The following AGO1 variants were observed in gnomAD, a reference collection of about 807,000 sequenced individuals.
AGO1 encodes the protein protein argonaute-1.
A neutral mutation model predicts 109.2 loss-of-function variants in AGO1; 11 were observed. The ratio of observed to expected loss-of-function variants is 0.10; its 90% CI spans 0.06 to 0.17. The LOEUF (loss-of-function observed/expected upper bound fraction) is 0.17, where lower values mean the gene tolerates loss of function less well. Ranked by LOEUF, AGO1 falls within the 10% of genes least tolerant of loss-of-function variation. The pLI, the probability that AGO1 is intolerant of heterozygous loss-of-function variation, is 1.00. For synonymous variants in AGO1, 422 were observed against 418.6 expected, an observed-to-expected ratio of 1.01 and a Z score of -0.10; for missense variants, 574 against 1,140.3, an observed-to-expected ratio of 0.50 and a Z score of 7.15.
Position 35,927,902 on chromosome 1 carries a change from C to A in AGO1, c.*8295C>A, listed in dbSNP as rs1437053986. 1 of 152,210 alleles carries A rather than the reference C, an allele frequency of 6.6e-6. No individual in the cohort carries two copies. The highest frequency in any genetic ancestry group is 1.5e-5 in the Non-Finnish European group (1 of 68,042). The allele number at this position is 152,210 out of a possible 1,614,324, so 9.4% of individuals were successfully genotyped here. ...GCTAGAGTATAAAGTAACTTACTTT[C>A]TACCTTGTAGAAACTGATGGTCTAG... is the stretch of plus-strand genomic sequence containing the variant. On this transcript the variant is annotated 3_prime_UTR_variant, in exon 19 of 19. Transcript: ENST00000373204.
chr1:35,918,046 G>T (rs1420576823), intron 16 of AGO1, among the ~76,000 whole-genome samples: 1 of 152,156 alleles, frequency 6.6e-6, no homozygotes, highest in East Asian at 1.9e-4. Context: ...TGTACAAGGC[G>T]TCTTCCTCAC....
At chr1:35,899,139 A>G (rs1019713676) in intron 8 of AGO1, among the ~76,000 whole-genome samples, 1 of 152,216 alleles carries the variant, frequency 6.6e-6, no homozygotes, top group Non-Finnish European at 1.5e-5. Context: ...GTGGAATCAT[A>G]GTATTTGTCC....
chr1:35,875,143 C>T (rs1644982795), intron 1 of AGO1, among the ~76,000 whole-genome samples: 1 of 152,090 alleles, frequency 6.6e-6, no homozygotes, highest in Non-Finnish European at 1.5e-5. Context: ...GTAGATGAAA[C>T]AGCCTTCTGT....
At chr1:35,882,908 C>T, upstream of AGO1, 1 of 985,238 alleles carries the variant, frequency 1.0e-6, no homozygotes, top group South Asian at 4.7e-5. This position sits in a 1 kb window ranked among gnomAD's most constrained non-coding sequence, Gnocchi z 5.1. Context: ...GTGCGCGCAG[C>T]TCGGTGCGAC....
intron 12 of AGO1, among the ~76,000 whole-genome samples, chr1:35,908,642 AC>A (rs1645572348): frequency 6.6e-6 from 1 of 151,958 alleles, no homozygotes; most frequent in South Asian, 2.1e-4. Context: ...CTCTCTACAA[AC>A]CTTTGTCTTT....
chr1:35,891,731 ATTTTTGTAT>A (rs1645223240), intron 2 of AGO1, among the ~76,000 whole-genome samples: 1 of 151,652 alleles, frequency 6.6e-6, no homozygotes, highest in Non-Finnish European at 1.5e-5. Flanking sequence ...TGCCTGACTA[ATTTTTGTAT>A]TTTTTGTAGA....
At chr1:35,914,351 C>A in intron 14 of AGO1, 77 bp downstream of exon 14, 1 of 1,206,450 alleles carries the variant, frequency 8.3e-7, no homozygotes, top group Non-Finnish European at 1.2e-6. Context: ...TGATTTCCTT[C>A]CCTCAGCTCT....
In AGO1 at chr1:35,927,067, A is replaced by C. The variant is rs1236172183; in HGVS notation, c.*7460A>C. 1.3e-5 allele frequency: 2 copies of C among 151,816 alleles called. No individual in the cohort carries two copies. Among genetic ancestry groups the C allele is most frequent in the East Asian group, 3.9e-4 (2 of 5,188 alleles). The allele number at this position is 151,816 out of a possible 1,614,324, so 9.4% of individuals were successfully genotyped here. A position where few individuals can be genotyped will look rare whatever the true frequency, so the allele number is the denominator to read the frequency against. ...TTTCCTCTTAAAAGAGACAGTGGGA[A>C]CTTTTAGCCAGGTTTTTGGAAAAGG... On this transcript the variant is annotated 3_prime_UTR_variant, in exon 19 of 19. Transcript: ENST00000373204.
At chr1:35,873,734 T>G (rs188911428) in intron 1 of AGO1, 19 of 152,764 alleles carry the variant, frequency 1.2e-4, no homozygotes, top group African/African-American at 4.6e-4. Flanking sequence ...CAAAGTGATG[T>G]TTTTGCAATC....
rs1168653663 is a variant in AGO1 at position 35,874,785 on chromosome 1, A to G, written c.-201+4882A>G. On this transcript the variant is annotated intron_variant, in intron 1 of 18. Transcript: ENST00000373206. The stretch of plus-strand genomic sequence containing the variant: ...AGTTCTTAAGGAAATTAAGAGTGCT[A>G]ATCCAGTGAACACATGAATAGTAAG... Among the ~76,000 whole-genome samples, 3 of 152,226 alleles carry G rather than the reference A, an allele frequency of 2.0e-5. No homozygotes were observed. The East Asian group carries it at 5.8e-4, about 29-fold the overall frequency.
Position 35,901,459 on chromosome 1 carries a change from T to C in AGO1, c.1021-15T>C, listed in dbSNP as rs1307772592. 1 of 1,613,920 alleles carries C rather than the reference T, an allele frequency of 6.2e-7. No homozygotes were observed. The highest frequency in any genetic ancestry group is 1.7e-5 in the Admixed American group (1 of 60,030). Reference sequence around the variant, plus strand: ...GTACTCAAGCCAGAGCTACCTGTCCTTCTTGTTTCCTCAGGTCTGTAACAT... The same window carrying C: ...GTACTCAAGCCAGAGCTACCTGTCCCTCTTGTTTCCTCAGGTCTGTAACAT... On this transcript the variant is annotated splice_polypyrimidine_tract_variant and intron_variant, in intron 8 of 18. Coordinates refer to ENST00000373204, the MANE Select transcript of AGO1 (RefSeq NM_012199.5). The surrounding 1 kb of genome is among the most constrained non-coding windows in gnomAD (Gnocchi z 4.8).
At chr1:35,905,089 T>C (rs937076640) in intron 11 of AGO1, among the ~76,000 whole-genome samples, 1 of 152,182 alleles carries the variant, frequency 6.6e-6, no homozygotes, top group African/African-American at 2.4e-5. Flanking sequence ...TCACAATACT[T>C]TGTGGCCCCC....
chr1:35,929,493 C>T lies in AGO1; in HGVS notation c.*9886C>T, dbSNP rs1035797650. The T allele has an allele frequency of 1.3e-5, 2 of 152,226 alleles. No individual in the cohort carries two copies. Among genetic ancestry groups the T allele is most frequent in the African/African-American group, 4.8e-5 (2 of 41,460 alleles). The allele number at this position is 152,226 out of a possible 1,614,324, so 9.4% of individuals were successfully genotyped here. A position where few individuals can be genotyped will look rare whatever the true frequency, so the allele number is the denominator to read the frequency against. On this transcript the variant is annotated 3_prime_UTR_variant, in exon 19 of 19. Coordinates refer to ENST00000373204, the MANE Select transcript of AGO1 (RefSeq NM_012199.5). The stretch of plus-strand genomic sequence containing the variant: ...TTGTTTAGGGAACCGGTTCCAGAAT[C>T]AGAGGGGTTGAGGATATAAAAGACC...
chr1:35,905,851 T>G (rs1186856741), intron 11 of AGO1, among the ~76,000 whole-genome samples: 8 of 152,226 alleles, frequency 5.3e-5, no homozygotes, highest in African/African-American at 1.9e-4. Context: ...TATAAATGAT[T>G]TTAAATTTTG....
In AGO1 at chr1:35,894,089, G is replaced by A. The variant is rs201138355; in HGVS notation, c.702G>A (p.Glu234=). 6 of 1,584,548 alleles carry A rather than the reference G, an allele frequency of 3.8e-6. No individual in the cohort carries two copies. In the East Asian group the frequency reaches 1.3e-4, roughly 35 times the overall value. Residue 234 remains glutamate (E), a synonymous_variant, in exon 6 of 19, where the codon GAG becomes GAA. Coordinates refer to ENST00000373204, the MANE Select transcript of AGO1 (RefSeq NM_012199.5). The stretch of plus-strand genomic sequence containing the variant: ...AGCCAGTGATTGAGTTCATGTGTGA[G>A]GTGCTGGACATCAGGAACATAGATG... ...KAQPVIEFMC[E]VLDIRNIDEQ...
rs1322270306 is a variant in AGO1 at position 35,921,050 on chromosome 1, T to G, written c.*1443T>G. 1.3e-5 allele frequency: 2 copies of G among 152,936 alleles called. No individual in the cohort carries two copies. Among genetic ancestry groups the G allele is most frequent in the Non-Finnish European group, 2.9e-5 (2 of 68,336 alleles). 9.5% of individuals were successfully genotyped at this position (152,936 alleles called of 1,614,324 possible). ...GGGTCCAGGCTCCATCCTTCCTCTG[T>G]GCAGATAATACCTTTTTCTTGCTAT... On this transcript the variant is annotated 3_prime_UTR_variant, in exon 19 of 19. Coordinates refer to ENST00000373204, the MANE Select transcript of AGO1 (RefSeq NM_012199.5).
At chr1:35,907,152 T>C (rs1645537122) in intron 12 of AGO1, 33 bp downstream of exon 12, 12 of 1,581,134 alleles carry the variant, frequency 7.6e-6, no homozygotes, top group African/African-American at 1.3e-5. Context: ...ATAATGGTGA[T>C]AGGACTCTTC....
At position 35,927,266 on chromosome 1, in the gene AGO1, A is replaced by C. The variant is rs1645948795; in HGVS notation, c.*7659A>C. On this transcript the variant is annotated 3_prime_UTR_variant, in exon 19 of 19. Transcript: ENST00000373204. The stretch of plus-strand genomic sequence containing the variant: ...AATTGCATATTACAAAATTCTGATT[A>C]AATTTTTCTTAAATAAGAAAACTAT... 6.6e-6 allele frequency: 1 copy of C among 152,210 alleles called. No individual in the cohort carries two copies. Among genetic ancestry groups the C allele is most frequent in the Non-Finnish European group, 1.5e-5 (1 of 68,042 alleles). The allele number at this position is 152,210 out of a possible 1,614,324, so 9.4% of individuals were successfully genotyped here.
chr1:35,908,707 C>T (rs544956634), intron 12 of AGO1, among the ~76,000 whole-genome samples: 23 of 152,230 alleles, frequency 1.5e-4, no homozygotes, highest in Admixed American at 5.2e-4. Flanking sequence ...ATTCAAACTT[C>T]GGAGACAGTC....
Sources: allele counts gnomAD v4.1 joint callset (sites outside exome capture counted in the v4.1 genomes callset), GRCh38; gene constraint gnomAD v4.1.1; non-coding constraint Gnocchi (gnomAD v3.1); transcripts MANE v1.5; gene names NCBI Gene and HGNC (gene_info 2026-07-23, HGNC 2026-07-21).